Variants in PALM2AKAP2 observed in about 807,000 individuals in gnomAD.
The protein encoded by PALM2AKAP2 is PALM2 and AKAP2 fusion.
In PALM2AKAP2, 37 loss-of-function variants were observed where a neutral mutation model predicts 71.5. That is an observed-to-expected ratio of 0.52 (90% CI 0.40 to 0.68). The LOEUF (loss-of-function observed/expected upper bound fraction) is 0.68, where lower values mean the gene tolerates loss of function less well. Ranked by LOEUF, PALM2AKAP2 falls within the 30% of genes least tolerant of loss-of-function variation. The probability of loss-of-function intolerance (pLI) is 0.00; values close to 1 mark genes in which losing one functional copy is unlikely to be tolerated. For missense variants in PALM2AKAP2, 1,224 were observed against 1,191.8 expected, an observed-to-expected ratio of 1.03 and a Z score of -0.40; for synonymous variants, 468 against 478.8, an observed-to-expected ratio of 0.98 and a Z score of 0.29.
At chr9:109,752,056 C>CA (rs1828894002) in intron 1 of PALM2AKAP2, among the ~76,000 whole-genome samples, 1 of 152,028 alleles carries the variant, frequency 6.6e-6, no homozygotes, top group Admixed American at 6.6e-5. Context: ...TTTGTTTATT[C>CA]AAAAAACATT....
chr9:109,943,400 G>T (rs143285349), intron 6 of PALM2AKAP2: 2 of 1,612,496 alleles, frequency 1.2e-6, no homozygotes, highest in Non-Finnish European at 8.5e-7. Context: ...AAGAAAAAGC[G>T]CTGTCAATGC....
intron 1 of PALM2AKAP2, among the ~76,000 whole-genome samples, chr9:109,842,791 G>A (rs749174795): frequency 2.0e-5 from 3 of 152,070 alleles, no homozygotes; most frequent in Non-Finnish European, 4.4e-5. Flanking sequence ...AAGGTGGGAG[G>A]ATCACTTGAG....
At chr9:109,854,763 CTTTTTTTTTTTTTT>C (rs34401582) in intron 1 of PALM2AKAP2, among the ~76,000 whole-genome samples, 2 of 66,158 alleles carry the variant, frequency 3.0e-5, no homozygotes, top group African/African-American at 6.2e-5. Context: ...AAGAATGTAT[CTTTTTTTTTTTTTT>C]TTTTTTTTTT....
intron 3 of PALM2AKAP2, among the ~76,000 whole-genome samples, chr9:109,919,425 T>A (rs1035486396): frequency 2.6e-5 from 4 of 152,212 alleles, no homozygotes; most frequent in African/African-American, 9.6e-5. Flanking sequence ...AAATTGTTTT[T>A]TAAAAATGAA....
At position 109,757,938 on chromosome 9, in the gene PALM2AKAP2, A is replaced by C. The variant is rs560825332; in HGVS notation, c.6-22550A>C. On this transcript the variant is annotated intron_variant, in intron 1 of 6. Transcript: ENST00000374531. ...AATATATTCTCATGGCCCAAAATTC[A>C]AAATTTATATCCACAAAAACTGCTT... 1.1e-4 allele frequency among the ~76,000 whole-genome samples: 17 copies of C among 152,130 alleles called. No individual in the cohort carries two copies. In the South Asian group the frequency reaches 3.5e-3, roughly 32 times the overall value.
chr9:110,105,809 ACTTG>A (rs1564307937), intron 1 of PALM2AKAP2, among the ~76,000 whole-genome samples: 3 of 152,198 alleles, frequency 2.0e-5, no homozygotes, highest in Non-Finnish European at 4.4e-5. Context: ...ATCCTTTTAG[ACTTG>A]CAAGCTCCCT....
At chr9:109,764,100 G>T (rs1829106146) in intron 1 of PALM2AKAP2, among the ~76,000 whole-genome samples, 1 of 152,078 alleles carries the variant, frequency 6.6e-6, no homozygotes, top group South Asian at 2.1e-4. Flanking sequence ...GGCTCCTATT[G>T]TCTCTTGACT....
At chr9:110,038,171 T>C (rs970980153) in intron 7 of PALM2AKAP2, among the ~76,000 whole-genome samples, 2 of 151,800 alleles carry the variant, frequency 1.3e-5, no homozygotes, top group South Asian at 4.2e-4. Flanking sequence ...AAGACCTCCC[T>C]CTCTACAAAG....
At chr9:110,105,163 C>A (rs1835086563) in intron 1 of PALM2AKAP2, among the ~76,000 whole-genome samples, 1 of 152,164 alleles carries the variant, frequency 6.6e-6, no homozygotes, top group Non-Finnish European at 1.5e-5. Flanking sequence ...AAGAGTTTTA[C>A]CTAGAGGCCA....
chr9:110,153,770 T>C (rs1836379947), intron 2 of PALM2AKAP2, among the ~76,000 whole-genome samples: 1 of 152,236 alleles, frequency 6.6e-6, no homozygotes, highest in South Asian at 2.1e-4. Flanking sequence ...CATACCCCCC[T>C]GTCCTCAGGA....
At chr9:109,809,483 T>A (rs1416058319) in intron 1 of PALM2AKAP2, among the ~76,000 whole-genome samples, 1 of 152,220 alleles carries the variant, frequency 6.6e-6, no homozygotes, top group Non-Finnish European at 1.5e-5. Context: ...AATGGGTATA[T>A]TTACCTAATG....
intron 1 of PALM2AKAP2, among the ~76,000 whole-genome samples, chr9:109,729,400 A>T (rs1372219199): frequency 6.6e-6 from 1 of 152,236 alleles, no homozygotes. Context: ...TGGCCAGTAT[A>T]GCCAAAGGCA....
At chr9:109,969,329 C>T (rs978319834) in intron 6 of PALM2AKAP2, among the ~76,000 whole-genome samples, 3 of 152,220 alleles carry the variant, frequency 2.0e-5, no homozygotes, top group Non-Finnish European at 2.9e-5. Flanking sequence ...TCTCCTCTCG[C>T]CTGAAACAGT....
chr9:109,849,269 T>C (rs1828944144), intron 1 of PALM2AKAP2, among the ~76,000 whole-genome samples: 2 of 152,024 alleles, frequency 1.3e-5, no homozygotes, highest in Non-Finnish European at 2.9e-5. Context: ...CCCAGGACTC[T>C]GCATTGGCAT....
intron 1 of PALM2AKAP2, among the ~76,000 whole-genome samples, chr9:110,073,497 G>GT (rs1452764601): frequency 3.3e-5 from 5 of 152,240 alleles, no homozygotes; most frequent in African/African-American, 1.2e-4. Context: ...CTAGCTTGTT[G>GT]TTTTATCTCA....
At chr9:109,955,938 T>TA (rs546400884) in intron 6 of PALM2AKAP2, among the ~76,000 whole-genome samples, 85 of 150,814 alleles carry the variant, frequency 5.6e-4, no homozygotes, top group Middle Eastern at 3.4e-3. Context: ...TCCTCTGTCT[T>TA]AAAAAAAACA....
intron 1 of PALM2AKAP2, chr9:110,128,157 T>C (rs1016975988): frequency 6.6e-6 from 1 of 152,382 alleles, no homozygotes; most frequent in Admixed American, 6.5e-5. Context: ...TGGGCATCTT[T>C]TAGGTTTCTG....
intron 1 of PALM2AKAP2, among the ~76,000 whole-genome samples, chr9:109,847,044 T>C (rs1402855951): frequency 6.6e-6 from 1 of 152,216 alleles, no homozygotes; most frequent in East Asian, 1.9e-4. Flanking sequence ...GTAACACCTG[T>C]TTGTGGTAGA....
chr9:110,050,445 A>G (rs1307989502), intron 1 of PALM2AKAP2, among the ~76,000 whole-genome samples: 1 of 152,190 alleles, frequency 6.6e-6, no homozygotes, highest in African/African-American at 2.4e-5. Flanking sequence ...CTTCCCCAAC[A>G]TTCATGAATA....
Sources: allele counts gnomAD v4.1 joint callset (sites outside exome capture counted in the v4.1 genomes callset), GRCh38; gene constraint gnomAD v4.1.1; transcripts MANE v1.5; gene names NCBI Gene and HGNC (gene_info 2026-07-23, HGNC 2026-07-21).